The following FAT4 variants were observed in gnomAD, a reference collection of about 807,000 sequenced individuals.
FAT4 encodes the protein FAT atypical cadherin 4, also known as protocadherin Fat 4.
Under a neutral mutation model 303.9 loss-of-function variants are expected in FAT4, and 84 were observed. The ratio of observed to expected loss-of-function variants is 0.28; its 90% confidence interval spans 0.23 to 0.33. FAT4 has a LOEUF of 0.33. FAT4 is among the 10% of genes least tolerant of loss of function. The probability of loss-of-function intolerance (pLI) is 1.00; values close to 1 mark genes in which losing one functional copy is unlikely to be tolerated. For synonymous variants in FAT4, 2,307 were observed against 2,298.8 expected (o/e 1.00, Z -0.10); for missense variants, 6,005 against 6,146.8 (o/e 0.98, Z 0.77).
chr4:125,431,140 G>A (rs893818490), intron 7 of FAT4, among the ~76,000 whole-genome samples: 3 of 152,100 alleles, frequency 2.0e-5, no homozygotes, highest in African/African-American at 7.2e-5. Flanking sequence ...ATTTAATGTG[G>A]TTTTCCATAT....
chr4:125,318,462 A>G lies in FAT4; in HGVS notation c.2051A>G (p.Asp684Gly), dbSNP rs767182776. The change falls in exon 2 of 18, where the codon GAT (aspartate) becomes GGT (glycine). Residue 684 changes from aspartate to glycine, a missense_variant. Transcript: ENST00000394329. ...RINVSLLDIN[D>G]NSPVFYPVQY... ...AATGTGAGTCTTCTGGATATAAATGATAACAGCCCTGTCTTCTACCCGGTC... is the reference window on the plus strand; with the variant it reads ...AATGTGAGTCTTCTGGATATAAATGGTAACAGCCCTGTCTTCTACCCGGTC... 6.2e-7 allele frequency: 1 copy of G among 1,614,160 alleles called. No homozygotes were observed. Among genetic ancestry groups the G allele is most frequent in the Admixed American group, 1.7e-5 (1 of 60,022 alleles).
chr4:125,415,566 A>G lies in FAT4; in HGVS notation c.6603A>G (p.Glu2201=). Reference sequence around the variant, plus strand: ...TTGTTAATGGTAATACCAATCAGGAATTTCGGATAGACTCTGTCACAGGTG... The same window carrying G: ...TTGTTAATGGTAATACCAATCAGGAGTTTCGGATAGACTCTGTCACAGGTG... ...YGIVNGNTNQ[E]FRIDSVTGAI... The change falls in exon 6 of 18, where the codon GAA becomes GAG. Residue 2201 remains glutamate (E), a synonymous_variant. Coordinates refer to ENST00000394329, the MANE Select transcript of FAT4 (RefSeq NM_001291303.3). The G allele has an allele frequency of 6.2e-7, 1 of 1,614,076 alleles. No individual in the cohort carries two copies. The highest frequency in any genetic ancestry group is 8.5e-7 in the Non-Finnish European group (1 of 1,179,976).
chr4:125,395,936 T>A lies in FAT4; in HGVS notation c.5176-2848T>A, dbSNP rs577502203. ...CACAGACTTCTAGAGCACTATGTAG[T>A]GATCCCCTAGTTTAGTTTTTTAAAA... is the stretch of plus-strand genomic sequence containing the variant. On this transcript the variant is annotated intron_variant, in intron 2 of 17. Coordinates refer to ENST00000394329, the MANE Select transcript of FAT4 (RefSeq NM_001291303.3). Among the ~76,000 whole-genome samples the A allele has an allele frequency of 3.9e-5, 6 of 152,278 alleles. No homozygotes were observed. In the South Asian group the frequency reaches 1.2e-3, roughly 32 times the overall value.
chr4:125,451,249 G>A lies in FAT4; in HGVS notation c.10239G>A (p.Val3413=), dbSNP rs1030824087. 2 of 1,613,966 alleles carry A rather than the reference G, an allele frequency of 1.2e-6. No homozygotes were observed. Among genetic ancestry groups the A allele is most frequent in the Non-Finnish European group, 8.5e-7 (1 of 1,180,018 alleles). The change falls in exon 10 of 18, where the codon GTG becomes GTA. Residue 3413 remains valine, a synonymous_variant. Transcript: ENST00000394329. ...TTTTTACTCTAAACATCTACAGTGTGCAGATCAGTGAAGGGGTCCCAATAG... is the reference window on the plus strand; with the variant it reads ...TTTTTACTCTAAACATCTACAGTGTACAGATCAGTGAAGGGGTCCCAATAG... The part of the protein sequence containing the change: ...PPIFTLNIYS[V]QISEGVPIGT...
chr4:125,450,866 G>C lies in FAT4; in HGVS notation c.9856G>C (p.Val3286Leu). ...PDEERCSFAT[V>L]NIQLKGTNEY... ...TGAGGAAAGGTGTAGCTTTGCCACT[G>C]TTAATATACAATTAAAAGGGACAAA... The change falls in exon 10 of 18, where the codon GTT becomes CTT. Residue 3286 changes from valine (V) to leucine (L), a missense_variant. Physicochemically the swap from Val to Leu is conservative, Grantham distance 32 (BLOSUM62 1). Coordinates refer to ENST00000394329, the MANE Select transcript of FAT4 (RefSeq NM_001291303.3). The C allele has an allele frequency of 1.2e-6, 2 of 1,614,086 alleles. No homozygotes were observed. The highest frequency in any genetic ancestry group is 1.7e-5 in the Admixed American group (1 of 60,002).
Position 125,415,183 on chromosome 4 carries a change from G to C in FAT4, c.6220G>C (p.Ala2074Pro). 1.2e-6 allele frequency: 2 copies of C among 1,614,042 alleles called. No homozygotes were observed. Among genetic ancestry groups the C allele is most frequent in the Non-Finnish European group, 1.7e-6 (2 of 1,179,962 alleles). The change falls in exon 6 of 18, where the codon GCA becomes CCA. Residue 2074 changes from alanine (A) to proline (P), a missense_variant. Physicochemically the swap from Ala to Pro is conservative, Grantham distance 27. Coordinates refer to ENST00000394329, the MANE Select transcript of FAT4 (RefSeq NM_001291303.3). ...TGATACTGTTGTTTTCAAAGCTCAAGCAACTGACCCAGATAGTGGCCCAAA... is the reference window on the plus strand; with the variant it reads ...TGATACTGTTGTTTTCAAAGCTCAACCAACTGACCCAGATAGTGGCCCAAA... ...PIDTVVFKAQATDPDSGPNSY... is the reference protein window; with the variant it reads ...PIDTVVFKAQPTDPDSGPNSY...
chr4:125,443,133 C>T lies in FAT4; in HGVS notation c.7200-3160C>T, dbSNP rs78036237. Among the ~76,000 whole-genome samples the T allele has an allele frequency of 2.1e-3, 313 of 152,164 alleles. 7 individuals are homozygous for T. The East Asian group carries it at 0.049, about 24-fold the overall frequency. ...CCAGCAGACAGTATAATGCCTATAA[C>T]CCTAGTAGATCTCAGGAAGAGGCAA... On this transcript the variant is annotated intron_variant, in intron 8 of 17. Transcript: ENST00000394329.
intron 8 of FAT4, 127 bp from the exon 9 acceptor site, chr4:125,446,166 C>G (rs1158409147): frequency 1.3e-6 from 1 of 773,352 alleles, no homozygotes; most frequent in African/African-American, 1.8e-5. Flanking sequence ...GTATTCTTTC[C>G]AACATTGTTG....
intron 2 of FAT4, among the ~76,000 whole-genome samples, chr4:125,372,758 A>G (rs149971041): frequency 6.6e-6 from 1 of 152,192 alleles, no homozygotes; most frequent in African/African-American, 2.4e-5. Flanking sequence ...GTGTTTTGAT[A>G]TATGCTTCTA....
In FAT4 at chr4:125,447,646, G is replaced by A. The variant is rs188078708; in HGVS notation, c.7451-815G>A. On this transcript the variant is annotated intron_variant, in intron 9 of 17. Coordinates refer to ENST00000394329, the MANE Select transcript of FAT4 (RefSeq NM_001291303.3). ...TTAAAGATATTTTACTTTTGTTACC[G>A]TTTCTTCTGTAGGGGTGAGAGTGCA... Among the ~76,000 whole-genome samples the A allele has an allele frequency of 2.1e-3, 316 of 152,088 alleles. 2 individuals carry two copies. The highest frequency in any genetic ancestry group is 6.8e-3 in the African/African-American group (282 of 41,504).
At chr4:125,357,871 T>C (rs1346392936) in intron 2 of FAT4, among the ~76,000 whole-genome samples, 1 of 152,122 alleles carries the variant, frequency 6.6e-6, no homozygotes, top group East Asian at 1.9e-4. Context: ...TCCAACAGAT[T>C]AATGAAGTAA....
chr4:125,476,357 C>T (rs918850940), intron 13 of FAT4, 101 bp downstream of exon 13: 4 of 450,936 alleles, frequency 8.9e-6, no homozygotes, highest in African/African-American at 6.1e-5. Flanking sequence ...GTACATAAAG[C>T]TTAAGATATT....
chr4:125,375,787 A>G (rs1285168327), intron 2 of FAT4, among the ~76,000 whole-genome samples: 2 of 152,238 alleles, frequency 1.3e-5, no homozygotes, highest in Non-Finnish European at 2.9e-5. Flanking sequence ...TTTGACAAGT[A>G]TTAGTCAGCT....
chr4:125,414,034 C>A (rs1030127011), intron 5 of FAT4, among the ~76,000 whole-genome samples: 1 of 151,884 alleles, frequency 6.6e-6, no homozygotes, highest in Admixed American at 6.6e-5. Context: ...AAATGCACAT[C>A]GTTACAGGCC....
At chr4:125,396,460 T>C (rs1734172646) in intron 2 of FAT4, among the ~76,000 whole-genome samples, 1 of 152,154 alleles carries the variant, frequency 6.6e-6, no homozygotes, top group Admixed American at 6.6e-5. Context: ...CTGATGTGCC[T>C]TTGATGGTCA....
rs1036447858 is a variant in FAT4, at chr4:125,452,110, A to G, written c.11100A>G (p.Arg3700=). 3.7e-6 allele frequency: 6 copies of G among 1,614,018 alleles called. No individual in the cohort carries two copies. Among genetic ancestry groups the G allele is most frequent in the Non-Finnish European group, 5.1e-6 (6 of 1,180,014 alleles). ...ACAGCACAGTCACGAGCAACATCCG[A>G]GTTTTCTTTGCTGGATTTTCCAATG... is the stretch of plus-strand genomic sequence containing the variant. ...GVHSTVTSNI[R]VFFAGFSNAT... is the part of the protein sequence containing the mutation. Residue 3700 remains arginine, a synonymous_variant, in exon 10 of 18, where the codon CGA becomes CGG. Coordinates refer to ENST00000394329, the MANE Select transcript of FAT4 (RefSeq NM_001291303.3).
intron 2 of FAT4, among the ~76,000 whole-genome samples, chr4:125,325,193 T>C (rs1731105354): frequency 6.6e-6 from 1 of 152,204 alleles, no homozygotes; most frequent in South Asian, 2.1e-4. Context: ...AGCAAACTTT[T>C]CATAGTCTGT....
rs1167505906 is a variant in FAT4 at position 125,320,502 on chromosome 4, G to A, written c.4091G>A (p.Ser1364Asn). The stretch of plus-strand genomic sequence containing the variant: ...GGGACTAACAACCACGGAACTTTTA[G>A]CATTAGCCCAAACACTGGGAGTATT... ...ITGTNNHGTF[S>N]ISPNTGSIFL... The change falls in exon 2 of 18, where the codon AGC (serine) becomes AAC (asparagine). Residue 1364 changes from serine to asparagine, a missense_variant. Transcript: ENST00000394329. 4 of 1,613,900 alleles carry A rather than the reference G, an allele frequency of 2.5e-6. No homozygotes were observed. The highest frequency in any genetic ancestry group is 2.7e-5 in the African/African-American group (2 of 74,926).
At chr4:125,424,896 G>A (rs971154716) in intron 7 of FAT4, among the ~76,000 whole-genome samples, 1 of 152,156 alleles carries the variant, frequency 6.6e-6, no homozygotes, top group African/African-American at 2.4e-5. Context: ...CTGCAAAAAG[G>A]CACGAATCAG....
Sources: gnomAD v4.1 joint callset for allele counts (sites outside exome capture counted in the v4.1 genomes callset) on GRCh38, gnomAD v4.1.1 for gene constraint, MANE v1.5 for transcripts, NCBI Gene and HGNC (gene_info 2026-07-23, HGNC 2026-07-21) for gene names.